Variants in EPB41 observed in about 807,000 individuals in gnomAD.
The protein encoded by EPB41 is protein 4.1.
Under a neutral mutation model 108.0 loss-of-function variants are expected in EPB41, and 65 were observed. The ratio of observed to expected loss-of-function variants is 0.60; its 90% CI spans 0.49 to 0.74. The LOEUF is 0.74. Among genes scored for constraint, EPB41 ranks in the 30% least tolerant of loss-of-function variants. The pLI, the probability that EPB41 is intolerant of heterozygous loss-of-function variation, is 0.00. For synonymous variants in EPB41, 336 were observed against 358.9 expected (o/e 0.94, Z 0.72); for missense variants, 875 against 1,037.0 (o/e 0.84, Z 2.15).
intron 11 of EPB41, among the ~76,000 whole-genome samples, chr1:29,048,903 G>C (rs1045970090): frequency 6.6e-6 from 1 of 152,068 alleles, no homozygotes; most frequent in Non-Finnish European, 1.5e-5. Context: ...GTGGAAATAT[G>C]TCTGTGTAAC....
chr1:28,924,640 T>A (rs1225774144), intron 1 of EPB41, among the ~76,000 whole-genome samples: 1 of 152,220 alleles, frequency 6.6e-6, no homozygotes, highest in Non-Finnish European at 1.5e-5. Context: ...TAAGCCACCA[T>A]GTTTTGGAGG....
intron 16 of EPB41, among the ~76,000 whole-genome samples, chr1:29,082,626 A>T (rs1657175983): frequency 6.6e-6 from 1 of 152,172 alleles, no homozygotes; most frequent in Non-Finnish European, 1.5e-5. Context: ...GTAATGAAAT[A>T]AAACTGACCA....
At position 29,039,260 on chromosome 1, in the gene EPB41, A is replaced by G. The variant is rs1053032432; in HGVS notation, c.1470A>G (p.Thr490=). The G allele has an allele frequency of 6.2e-6, 10 of 1,613,910 alleles. No individual in the cohort carries two copies. The highest frequency in any genetic ancestry group is 1.3e-5 in the African/African-American group (1 of 74,928). ...ATTACGATTTTCCCCCCAGATTGAC[A>G]TCTACAGACACCATTCCCAAAAGCA... The part of the protein sequence containing the change: ...CVEHHTFFRL[T]STDTIPKSKF... The change falls in exon 11 of 21, where the codon ACA becomes ACG. Residue 490 remains threonine, a synonymous_variant. Transcript: ENST00000343067.
chr1:28,967,850 G>C (rs2095400959), intron 1 of EPB41, among the ~76,000 whole-genome samples: 1 of 148,920 alleles, frequency 6.7e-6, no homozygotes, highest in African/African-American at 2.5e-5. Flanking sequence ...TGTCGCCCAG[G>C]CTGGAGTGCA....
In EPB41 at chr1:28,897,204, T is replaced by C. The variant is rs2090761363; in HGVS notation, c.-8+9994T>C. Among the ~76,000 whole-genome samples the C allele has an allele frequency of 2.0e-5, 3 of 151,938 alleles. No individual in the cohort carries two copies. In the South Asian group the frequency reaches 6.2e-4, roughly 31 times the overall value. On this transcript the variant is annotated intron_variant, in intron 1 of 16. Coordinates refer to the EPB41 transcript ENST00000347529. Reference sequence around the variant, plus strand: ...TGGGGGCCAGGCAGGAGCTGTGTGGTGCAGAAAAGCCCTGGGTTCTAGACC... The same window carrying C: ...TGGGGGCCAGGCAGGAGCTGTGTGGCGCAGAAAAGCCCTGGGTTCTAGACC...
chr1:28,990,120 G>T (rs2095973900), intron 2 of EPB41, among the ~76,000 whole-genome samples: 1 of 151,444 alleles, frequency 6.6e-6, no homozygotes, highest in Admixed American at 6.6e-5. Flanking sequence ...GCTGGGCGTG[G>T]TGGCGGGCAC....
intron 1 of EPB41, among the ~76,000 whole-genome samples, chr1:28,888,115 G>A (rs139988181): frequency 1.4e-4 from 21 of 152,362 alleles, no homozygotes; most frequent in Admixed American, 2.6e-4. Flanking sequence ...GAGAGAGGAG[G>A]GTTGGGGAAG....
upstream of EPB41, among the ~76,000 whole-genome samples, chr1:28,913,296 G>A (rs2092356540): frequency 6.6e-6 from 1 of 152,052 alleles, no homozygotes; most frequent in East Asian, 1.9e-4. Context: ...AAATTAGCTG[G>A]GCGTGGTGGT....
At chr1:28,930,204 T>C (rs1337359214) in intron 1 of EPB41, among the ~76,000 whole-genome samples, 1 of 148,216 alleles carries the variant, frequency 6.7e-6, no homozygotes, top group African/African-American at 2.5e-5. Context: ...TTGCCCAGGC[T>C]GGAGTGCAGT....
intron 1 of EPB41, among the ~76,000 whole-genome samples, chr1:28,935,465 ACACCCCCCCCC>A (rs1280317429): frequency 3.4e-4 from 14 of 40,706 alleles, no homozygotes; most frequent in African/African-American, 1.6e-3. Flanking sequence ...ACACACACAC[ACACCCCCCCCC>A]CCCCAAGATC....
chr1:28,927,436 T>C (rs1034307906), intron 1 of EPB41, among the ~76,000 whole-genome samples: 3 of 152,166 alleles, frequency 2.0e-5, no homozygotes, highest in Non-Finnish European at 4.4e-5. Flanking sequence ...TGTTCTAATA[T>C]CATTATATTT....
intron 4 of EPB41, among the ~76,000 whole-genome samples, chr1:29,011,052 A>T (rs1369850174): frequency 1.3e-5 from 2 of 148,264 alleles, no homozygotes; most frequent in Non-Finnish European, 3.0e-5. Flanking sequence ...CGGGAGGCGG[A>T]GGTTGCAGTG....
intron 1 of EPB41, among the ~76,000 whole-genome samples, chr1:28,975,836 C>T (rs775848631): frequency 1.4e-5 from 2 of 144,640 alleles, no homozygotes; most frequent in Non-Finnish European, 3.0e-5. Context: ...GGCATGGTGG[C>T]GGGCTGAGGC....
At chr1:29,043,231 T>G (rs1190101530) in intron 11 of EPB41, among the ~76,000 whole-genome samples, 1 of 152,180 alleles carries the variant, frequency 6.6e-6, no homozygotes, top group Non-Finnish European at 1.5e-5. Flanking sequence ...TATTTCAGAT[T>G]GGATGGTCCA....
At chr1:28,895,837 T>A (rs2090604326) in intron 1 of EPB41, among the ~76,000 whole-genome samples, 1 of 152,026 alleles carries the variant, frequency 6.6e-6, no homozygotes, top group South Asian at 2.1e-4. Flanking sequence ...CCCAAGGAGG[T>A]AGAGTGTACA....
intron 1 of EPB41, among the ~76,000 whole-genome samples, chr1:28,986,380 C>G (rs1361243807): frequency 6.6e-6 from 1 of 152,100 alleles, no homozygotes; most frequent in East Asian, 1.9e-4. Context: ...TGACAATGCT[C>G]GTTGGCTGTT....
chr1:29,100,402 C>G (rs867864739), intron 17 of EPB41, among the ~76,000 whole-genome samples: 4 of 144,998 alleles, frequency 2.8e-5, no homozygotes, highest in African/African-American at 9.9e-5. Flanking sequence ...GCGGAGGTTG[C>G]GGTTAGCCAA....
chr1:29,073,998 G>A (rs193146535), intron 16 of EPB41, among the ~76,000 whole-genome samples: 133 of 152,132 alleles, frequency 8.7e-4, no homozygotes, highest in Non-Finnish European at 1.0e-3. Context: ...TTATAGATAA[G>A]CCTGTAGTAC....
rs1226471764 is a variant in EPB41, at chr1:28,887,762, G to T, written c.-8+552G>T. The T allele has an allele frequency of 1.1e-6, 1 of 875,348 alleles. No individual in the cohort carries two copies. The highest frequency in any genetic ancestry group is 1.4e-6 in the Non-Finnish European group (1 of 729,242). 54.2% of individuals were successfully genotyped at this position (875,348 alleles called of 1,614,324 possible). A position where few individuals can be genotyped will look rare whatever the true frequency, so the allele number is the denominator to read the frequency against. On this transcript the variant is annotated intron_variant, in intron 1 of 16. Coordinates refer to the EPB41 transcript ENST00000347529. The surrounding 1 kb of genome is among the most constrained non-coding windows in gnomAD (Gnocchi z 4.9). ...GCCAGCTGGGGCGCCGGCTGTGCCC[G>T]CCAGGGTGGCCCCCCCGGCCGTCGC...
Sources: allele counts gnomAD v4.1 joint callset (sites outside exome capture counted in the v4.1 genomes callset), GRCh38; gene constraint gnomAD v4.1.1; non-coding constraint Gnocchi (gnomAD v3.1); transcripts MANE v1.5; gene names NCBI Gene and HGNC (gene_info 2026-07-23, HGNC 2026-07-21).